The following RBMS3 variants were observed in gnomAD, a reference collection of about 807,000 sequenced individuals.
The protein encoded by RBMS3 is RNA-binding motif, single-stranded-interacting protein 3.
A neutral mutation model predicts 66.8 loss-of-function variants in RBMS3; 27 were observed. That is an observed-to-expected ratio of 0.40 (90% CI 0.30 to 0.56). The LOEUF (loss-of-function observed/expected upper bound fraction) is 0.56. Among genes scored for constraint, RBMS3 ranks in the 20% least tolerant of loss-of-function variants. The pLI, the probability that RBMS3 is intolerant of heterozygous loss-of-function variation, is 0.40. For synonymous variants in RBMS3, 188 were observed against 183.0 expected, an observed-to-expected ratio of 1.03 and a Z score of -0.22; for missense variants, 513 against 549.5, an observed-to-expected ratio of 0.93 and a Z score of 0.66.
intron 6 of RBMS3, among the ~76,000 whole-genome samples, chr3:29,815,163 GCA>G (rs1276090812): frequency 6.6e-6 from 1 of 152,130 alleles, no homozygotes; most frequent in Non-Finnish European, 1.5e-5. Context: ...CAAGATAAGA[GCA>G]CATTTAGTTG....
chr3:29,551,165 G>A (rs1253160030), intron 3 of RBMS3, among the ~76,000 whole-genome samples: 2 of 152,152 alleles, frequency 1.3e-5, no homozygotes, highest in African/African-American at 4.8e-5. Context: ...TTGTCATGGA[G>A]GTAAGAAAGG....
chr3:29,610,486 A>G (rs1375892779), intron 4 of RBMS3, among the ~76,000 whole-genome samples: 1 of 151,918 alleles, frequency 6.6e-6, no homozygotes, highest in Non-Finnish European at 1.5e-5. Flanking sequence ...CTCCACCCAT[A>G]TTCACTTATC....
intron 12 of RBMS3, among the ~76,000 whole-genome samples, chr3:29,983,596 G>A (rs116820678): frequency 0.053 from 8,048 of 152,036 alleles, 739 homozygotes; most frequent in African/African-American, 0.18. Flanking sequence ...AGGAGCTCTT[G>A]TAAGGCAGGC....
At chr3:29,318,971 G>A (rs773532891) in intron 1 of RBMS3, among the ~76,000 whole-genome samples, 6 of 151,936 alleles carry the variant, frequency 3.9e-5, no homozygotes, top group Non-Finnish European at 8.8e-5. Flanking sequence ...CAGTTAGAGA[G>A]CATTGAGACA....
At chr3:29,505,041 G>A (rs551912194) in intron 3 of RBMS3, among the ~76,000 whole-genome samples, 2 of 152,024 alleles carry the variant, frequency 1.3e-5, no homozygotes, top group South Asian at 2.1e-4. Flanking sequence ...TTGTTTCCTT[G>A]GCTGTGTTTT....
At position 29,325,239 on chromosome 3, in the gene RBMS3, C is replaced by T. The variant is rs140116128; in HGVS notation, c.75+43483C>T. Among the ~76,000 whole-genome samples, 236 of 151,972 alleles carry T rather than the reference C, an allele frequency of 1.6e-3. 2 individuals carry two copies. The highest frequency in any genetic ancestry group is 6.8e-3 in the Middle Eastern group (2 of 294). On this transcript the variant is annotated intron_variant, in intron 1 of 14. Transcript: ENST00000383767. Reference sequence around the variant, plus strand: ...TTTATATTTCGTTTGTGAAAAAAGGCGGTGGTGGGAAATAAGATTATATTT... The same window carrying T: ...TTTATATTTCGTTTGTGAAAAAAGGTGGTGGTGGGAAATAAGATTATATTT...
At chr3:29,401,312 T>C (rs773549939) in intron 1 of RBMS3, among the ~76,000 whole-genome samples, 1 of 152,106 alleles carries the variant, frequency 6.6e-6, no homozygotes, top group Non-Finnish European at 1.5e-5. Context: ...CAGTAAGATA[T>C]CATCACATCA....
rs151046747 is a variant in RBMS3 at position 29,599,827 on chromosome 3, C to T, written c.399+12622C>T. ...ACAGAATTGTATACTCAGACTTCTG[C>T]GTGAAGCACAGAAAGACTCTCCATT... On this transcript the variant is annotated intron_variant, in intron 4 of 14. Coordinates refer to ENST00000383767, the MANE Select transcript of RBMS3 (RefSeq NM_001003793.3). 2.0e-3 allele frequency among the ~76,000 whole-genome samples: 300 copies of T among 152,084 alleles called. 1 individual carries two copies. Among genetic ancestry groups the T allele is most frequent in the African/African-American group, 6.6e-3 (274 of 41,506 alleles).
intron 1 of RBMS3, among the ~76,000 whole-genome samples, chr3:29,336,573 C>T (rs1370656414): frequency 6.6e-6 from 1 of 152,108 alleles, no homozygotes; most frequent in Non-Finnish European, 1.5e-5. Flanking sequence ...GAAAGCTGGG[C>T]CCCTGTAAGA....
Position 29,577,114 on chromosome 3 carries a change from G to A in RBMS3, c.308-10000G>A, listed in dbSNP as rs191709035. Among the ~76,000 whole-genome samples, 199 of 152,286 alleles carry A rather than the reference G, an allele frequency of 1.3e-3. 1 individual carries two copies. Among genetic ancestry groups the A allele is most frequent in the Non-Finnish European group, 1.6e-4 (11 of 68,024 alleles). ...TCAGGGCCCAATGGCTCTTTAGTCA[G>A]CAGGTTATGAATCCTTCCAGGACTA... is the stretch of plus-strand genomic sequence containing the variant. On this transcript the variant is annotated intron_variant, in intron 3 of 14. Coordinates refer to ENST00000383767, the MANE Select transcript of RBMS3 (RefSeq NM_001003793.3).
At chr3:29,614,642 A>G (rs1356025296) in intron 4 of RBMS3, 1 of 152,160 alleles carries the variant, frequency 6.6e-6, no homozygotes, top group Non-Finnish European at 1.5e-5. Context: ...ACTGGTTGAA[A>G]ACTGTAGAAA....
At chr3:29,557,635 C>T (rs890404527) in intron 3 of RBMS3, among the ~76,000 whole-genome samples, 3 of 152,212 alleles carry the variant, frequency 2.0e-5, no homozygotes, top group African/African-American at 7.2e-5. Context: ...TGGAGCTGAT[C>T]TAGCTGCAGT....
intron 2 of RBMS3, among the ~76,000 whole-genome samples, chr3:29,469,924 T>C (rs1383998460): frequency 6.7e-6 from 1 of 148,366 alleles, no homozygotes; most frequent in Non-Finnish European, 1.5e-5. Context: ...TTAATACTCA[T>C]GTATATATAA....
chr3:29,741,067 T>C (rs1241573871), intron 5 of RBMS3, among the ~76,000 whole-genome samples: 1 of 151,718 alleles, frequency 6.6e-6, no homozygotes, highest in Non-Finnish European at 1.5e-5. Context: ...GAAAAACCAT[T>C]CCAAACTAAC....
chr3:29,794,771 T>C (rs1285355892), intron 6 of RBMS3, among the ~76,000 whole-genome samples: 3 of 152,174 alleles, frequency 2.0e-5, no homozygotes, highest in Non-Finnish European at 4.4e-5. Context: ...TTTAGGAGAT[T>C]CATTTTGTGA....
chr3:29,859,396 C>T (rs1378251959), intron 6 of RBMS3, among the ~76,000 whole-genome samples: 1 of 152,170 alleles, frequency 6.6e-6, no homozygotes, highest in East Asian at 1.9e-4. Context: ...TTCCCTATTC[C>T]TGCTGATGGT....
intron 4 of RBMS3, among the ~76,000 whole-genome samples, chr3:29,595,163 C>T (rs9841510): frequency 0.15 from 22,570 of 151,954 alleles, 1,921 homozygotes; most frequent in East Asian, 0.32. Flanking sequence ...CTTTGGGAGG[C>T]CGAGGCAGGA....
intron 13 of RBMS3, among the ~76,000 whole-genome samples, chr3:29,988,728 G>T (rs1169950665): frequency 6.6e-6 from 1 of 152,052 alleles, no homozygotes; most frequent in Non-Finnish European, 1.5e-5. Flanking sequence ...TTCGAGACCA[G>T]CCTGGGTCAA....
Position 29,608,036 on chromosome 3 carries a change from A to T in RBMS3, c.399+20831A>T, listed in dbSNP as rs1408154013. On this transcript the variant is annotated intron_variant, in intron 4 of 14. Coordinates refer to ENST00000383767, the MANE Select transcript of RBMS3 (RefSeq NM_001003793.3). Reference sequence around the variant, plus strand: ...TCAACATGCCCATCATCCAGCTTCAACATTTATTCTACTATGAATCTTATT... The same window carrying T: ...TCAACATGCCCATCATCCAGCTTCATCATTTATTCTACTATGAATCTTATT... Among the ~76,000 whole-genome samples, 4 of 152,048 alleles carry T rather than the reference A, an allele frequency of 2.6e-5. No individual in the cohort carries two copies. The East Asian group carries it at 5.8e-4, about 22-fold the overall frequency.
Sources: gnomAD v4.1 joint callset for allele counts (sites outside exome capture counted in the v4.1 genomes callset) on GRCh38, gnomAD v4.1.1 for gene constraint, MANE v1.5 for transcripts, NCBI Gene and HGNC (gene_info 2026-07-23, HGNC 2026-07-21) for gene names.